Variants in SRSF12 observed in about 807,000 individuals in gnomAD.
The protein encoded by SRSF12 is serine and arginine rich splicing factor 12.
Under a neutral mutation model 34.1 loss-of-function variants are expected in SRSF12, and 21 were observed. The observed-to-expected ratio is 0.62, with a 90% confidence interval of 0.44 to 0.89. The LOEUF (loss-of-function observed/expected upper bound fraction) is 0.89. Among genes scored for constraint, SRSF12 ranks in the 40% least tolerant of loss-of-function variants. The pLI is 0.00. For synonymous variants in SRSF12, 111 were observed against 110.8 expected (o/e 1.00, Z -0.01); for missense variants, 278 against 327.8 (o/e 0.85, Z 1.17).
At chr6:89,109,817 C>A (rs1293570993) in intron 1 of SRSF12, among the ~76,000 whole-genome samples, 1 of 152,172 alleles carries the variant, frequency 6.6e-6, no homozygotes, top group Non-Finnish European at 1.5e-5. Context: ...TCTGGCCGGG[C>A]GCGGTGGCTC....
At chr6:89,105,733 G>A in intron 2 of SRSF12, 1 of 334,620 alleles carries the variant, frequency 3.0e-6, no homozygotes, top group South Asian at 8.3e-5. Context: ...AGAAGAGTGA[G>A]TCTAAAAATA....
intron 1 of SRSF12, among the ~76,000 whole-genome samples, chr6:89,112,682 G>A (rs954774456): frequency 3.3e-5 from 5 of 151,868 alleles, no homozygotes; most frequent in Non-Finnish European, 7.4e-5. Context: ...AAAGCACTGG[G>A]ATTACAAGCA....
intron 1 of SRSF12, among the ~76,000 whole-genome samples, chr6:89,114,447 A>G (rs2041195295): frequency 6.6e-6 from 1 of 152,158 alleles, no homozygotes; most frequent in African/African-American, 2.4e-5. Flanking sequence ...CAAACAAACA[A>G]AAAAACCACC....
chr6:89,105,625 C>A, intron 2 of SRSF12, 95 bp from the exon 3 acceptor site: 1 of 865,492 alleles, frequency 1.2e-6, no homozygotes, highest in South Asian at 2.8e-5. Flanking sequence ...ATAGGAAAAT[C>A]AAGTTCAAGT....
At chr6:89,113,466 C>T (rs1353147782) in intron 1 of SRSF12, among the ~76,000 whole-genome samples, 2 of 152,126 alleles carry the variant, frequency 1.3e-5, no homozygotes, top group Non-Finnish European at 2.9e-5. Flanking sequence ...GCCACCGCAC[C>T]CAGCCCAATT....
chr6:89,112,771 C>T (rs1319636276), intron 1 of SRSF12, among the ~76,000 whole-genome samples: 1 of 152,076 alleles, frequency 6.6e-6, no homozygotes, highest in African/African-American at 2.4e-5. Flanking sequence ...TAGTTATGCA[C>T]CACATAACAA....
At chr6:89,099,671 G>T (rs1768448834) in intron 4 of SRSF12, among the ~76,000 whole-genome samples, 1 of 151,878 alleles carries the variant, frequency 6.6e-6, no homozygotes. Flanking sequence ...GAGTAGCTGG[G>T]ATTACAGGCA....
Position 89,117,820 on chromosome 6 carries a change from C to T in SRSF12, c.65+3G>A, listed in dbSNP as rs1414771548. 6.4e-7 allele frequency: 1 copy of T among 1,553,518 alleles called. No homozygotes were observed. The highest frequency in any genetic ancestry group is 1.4e-5 in the African/African-American group (1 of 70,180). On this transcript the variant is annotated splice_donor_region_variant and intron_variant, in intron 1 of 4. Transcript: ENST00000452027. ...CCCCCAACCTGCAGCCGCGGCCGTT[C>T]ACCTGGTGGCGTCCGCGACGTTCCT...
At chr6:89,107,866 G>C (rs894026336) in intron 1 of SRSF12, among the ~76,000 whole-genome samples, 3 of 152,164 alleles carry the variant, frequency 2.0e-5, no homozygotes, top group Non-Finnish European at 2.9e-5. Context: ...TGGTTGTTAT[G>C]CTTAATTTCC....
rs1294369416 is a variant in SRSF12, at chr6:89,097,536, T to C, written c.*1042A>G. 1 of 152,104 alleles carries C rather than the reference T, an allele frequency of 6.6e-6. No individual in the cohort carries two copies. Among genetic ancestry groups the C allele is most frequent in the Non-Finnish European group, 1.5e-5 (1 of 68,010 alleles). 9.4% of individuals were successfully genotyped at this position (152,104 alleles called of 1,614,324 possible). The stretch of plus-strand genomic sequence containing the variant: ...TCTTCTTCTTCTTTTTTTTAAATTT[T>C]AGAGACAGGATTTCACCATGTTGCC... On this transcript the variant is annotated 3_prime_UTR_variant, in exon 5 of 5. Transcript: ENST00000452027.
chr6:89,098,828 C>G lies in SRSF12; in HGVS notation c.536G>C (p.Arg179Pro). The change falls in exon 5 of 5, where the codon CGG becomes CCG. Residue 179 changes from arginine to proline, a missense_variant. Physicochemically the swap from Arg to Pro is moderately radical, Grantham distance 103 (BLOSUM62 -2). Transcript: ENST00000452027. ...CTTTTGTAAGGACTTGGACCTTGAC[C>G]GTCCTCTAGAGCCAAAATTCCTTCT... is the stretch of plus-strand genomic sequence containing the variant. The part of the protein sequence containing the change: ...TPRRNFGSRG[R>P]SRSKSLQKRS... 2.5e-6 allele frequency: 4 copies of G among 1,613,888 alleles called. No homozygotes were observed. The highest frequency in any genetic ancestry group is 3.4e-6 in the Non-Finnish European group (4 of 1,179,874).
intron 1 of SRSF12, among the ~76,000 whole-genome samples, chr6:89,117,252 A>C (rs1769347599): frequency 6.6e-6 from 1 of 152,206 alleles, no homozygotes; most frequent in South Asian, 2.1e-4. Context: ...CATTCATTGA[A>C]GTTATTTTTT....
rs752685727 is a variant in SRSF12, at chr6:89,105,486, T to C, written c.215A>G (p.Asn72Ser). ...CTGACGGCCACATACCCACTTTCTA[T>C]TGAGGTTATAAAGAGCATCTTCAGC... is the stretch of plus-strand genomic sequence containing the variant. ...RDAEDALYNL[N>S]RKWVCGRQIE... Residue 72 changes from asparagine (N) to serine (S), a missense_variant, in exon 3 of 5, where the codon AAT becomes AGT. Transcript: ENST00000452027. 11 of 1,611,868 alleles carry C rather than the reference T, an allele frequency of 6.8e-6. No homozygotes were observed. Among genetic ancestry groups the C allele is most frequent in the Non-Finnish European group, 9.3e-6 (11 of 1,179,220 alleles).
intron 1 of SRSF12, among the ~76,000 whole-genome samples, chr6:89,109,167 G>A (rs1481400689): frequency 6.6e-6 from 1 of 152,088 alleles, no homozygotes; most frequent in Non-Finnish European, 1.5e-5. Flanking sequence ...ATCTGTGAAG[G>A]GATGTTACAG....
At chr6:89,117,727 T>A (rs900639757) in intron 1 of SRSF12, 96 bp downstream of exon 1, 69 of 1,253,518 alleles carry the variant, frequency 5.5e-5, no homozygotes, top group Middle Eastern at 5.7e-4. Context: ...TCCGCGCAGC[T>A]CCCCCGAGCC....
At chr6:89,107,649 T>C (rs2127993647) in intron 1 of SRSF12, among the ~76,000 whole-genome samples, 1 of 152,202 alleles carries the variant, frequency 6.6e-6, no homozygotes, top group East Asian at 1.9e-4. Context: ...GAGAATCACC[T>C]GAGTGAGCAT....
chr6:89,099,507 TATATATATAC>T (rs1768436225), intron 4 of SRSF12, among the ~76,000 whole-genome samples: 1 of 55,736 alleles, frequency 1.8e-5, no homozygotes, highest in African/African-American at 1.3e-4. Flanking sequence ...TATGTGTGTA[TATATATATAC>T]ACACACACAC....
chr6:89,099,456 GTATATA>G (rs1165109904), intron 4 of SRSF12, among the ~76,000 whole-genome samples: 1 of 141,316 alleles, frequency 7.1e-6, no homozygotes, highest in Non-Finnish European at 1.5e-5. Flanking sequence ...ATATATGTGT[GTATATA>G]TGTGTGTGTA....
At chr6:89,102,498 T>A (rs914709834) in intron 4 of SRSF12, among the ~76,000 whole-genome samples, 5 of 152,120 alleles carry the variant, frequency 3.3e-5, no homozygotes, top group Admixed American at 2.0e-4. Context: ...CTGGAATAAA[T>A]TCACAGTCTT....
Sources: gnomAD v4.1 joint callset for allele counts (sites outside exome capture counted in the v4.1 genomes callset) on GRCh38, gnomAD v4.1.1 for gene constraint, MANE v1.5 for transcripts, NCBI Gene and HGNC (gene_info 2026-07-23, HGNC 2026-07-21) for gene names.